Variants in TOGARAM2 observed in about 807,000 individuals in gnomAD.
TOGARAM2 encodes TOG array regulator of axonemal microtubules 2.
In TOGARAM2, 85 loss-of-function variants were observed where a neutral mutation model predicts 93.3. That is an observed-to-expected ratio of 0.91 (90% CI 0.76 to 1.09). The LOEUF (loss-of-function observed/expected upper bound fraction) is 1.09. TOGARAM2 is among the 50% of genes least tolerant of loss of function. The probability of loss-of-function intolerance (pLI) is 0.00; values close to 1 mark genes in which losing one functional copy is unlikely to be tolerated. For synonymous variants in TOGARAM2, 593 were observed against 552.8 expected (o/e 1.07, Z -1.02); for missense variants, 1,277 against 1,334.5 (o/e 0.96, Z 0.67).
At chr2:29,005,521 G>A (rs12615041) in intron 6 of TOGARAM2, among the ~76,000 whole-genome samples, 104,627 of 141,686 alleles carry the variant, frequency 0.74, 40,249 homozygotes, top group Non-Finnish European at 0.85. Flanking sequence ...GTAACTACGT[G>A]TGTGAAGCCA....
chr2:28,983,116 T>C (rs1558400137), intron 1 of TOGARAM2, among the ~76,000 whole-genome samples: 3 of 150,074 alleles, frequency 2.0e-5, no homozygotes, highest in Non-Finnish European at 4.4e-5. Context: ...GCTTCCCAAG[T>C]AGCTGGGTGT....
Position 29,017,235 on chromosome 2 carries a change from G to C in TOGARAM2, c.1126G>C (p.Glu376Gln). The C allele has an allele frequency of 6.2e-7, 1 of 1,613,938 alleles. No individual in the cohort carries two copies. The highest frequency in any genetic ancestry group is 8.5e-7 in the Non-Finnish European group (1 of 1,179,874). Residue 376 changes from glutamate to glutamine, a missense_variant, in exon 9 of 20, where the codon GAG becomes CAG. Coordinates refer to ENST00000379558, the MANE Select transcript of TOGARAM2 (RefSeq NM_199280.4). ...GGAGATGGAGCTGCTTCGGAGGCTGGAGGAGCCCAGGACAGGGCAGGAGCT... is the reference window on the plus strand; with the variant it reads ...GGAGATGGAGCTGCTTCGGAGGCTGCAGGAGCCCAGGACAGGGCAGGAGCT... ...MKEMELLRRLEEPRTGQELTS... is the reference protein window; with the variant it reads ...MKEMELLRRLQEPRTGQELTS...
chr2:29,030,701 G>A (rs1474246479), intron 14 of TOGARAM2, among the ~76,000 whole-genome samples: 1 of 152,124 alleles, frequency 6.6e-6, no homozygotes, highest in African/African-American at 2.4e-5. Flanking sequence ...TTCTGCCCCT[G>A]ACTGCCACCT....
At chr2:28,973,392 C>CTCCCTTTCT (rs777565304) in intron 1 of TOGARAM2, among the ~76,000 whole-genome samples, 6 of 78,580 alleles carry the variant, frequency 7.6e-5, no homozygotes, top group East Asian at 1.2e-3. Context: ...TCCTTCTTTC[C>CTCCCTTTCT]TCCCTTCCTT....
chr2:28,998,541 C>T (rs542088843), intron 3 of TOGARAM2, among the ~76,000 whole-genome samples: 1 of 152,180 alleles, frequency 6.6e-6, no homozygotes, highest in African/African-American at 2.4e-5. Flanking sequence ...GGGAGGGGGC[C>T]CCTCTCAAGA....
chr2:29,023,645 G>C (rs1279756492), intron 12 of TOGARAM2, among the ~76,000 whole-genome samples: 2 of 152,180 alleles, frequency 1.3e-5, no homozygotes, highest in Admixed American at 1.3e-4. Context: ...CTCCAGTGGG[G>C]GTGGGGTGGG....
At chr2:29,012,417 C>T (rs1160549134) in intron 7 of TOGARAM2, among the ~76,000 whole-genome samples, 1 of 152,214 alleles carries the variant, frequency 6.6e-6, no homozygotes, top group Admixed American at 6.5e-5. Flanking sequence ...GCTGCTTCTC[C>T]CCTGCTCCCG....
intron 1 of TOGARAM2, among the ~76,000 whole-genome samples, chr2:28,961,471 A>G (rs999430656): frequency 6.6e-6 from 1 of 151,676 alleles, no homozygotes; most frequent in East Asian, 1.9e-4. Context: ...CCTCCCAAGT[A>G]CCTGGGATTA....
rs775256143 is a variant in TOGARAM2 at position 29,002,672 on chromosome 2, C to T, written c.564C>T (p.Ser188=). 1.7e-5 allele frequency: 27 copies of T among 1,613,868 alleles called. No homozygotes were observed. The highest frequency in any genetic ancestry group is 4.5e-5 in the East Asian group (2 of 44,898). Reference sequence around the variant, plus strand: ...GCATCCCTACCACCCCTGAGGCCAGCGGAGTCAAAGAGAAGGGCCTGGACC... The same window carrying T: ...GCATCCCTACCACCCCTGAGGCCAGTGGAGTCAAAGAGAAGGGCCTGGACC... The part of the protein sequence containing the change: ...IQSIPTTPEA[S]GVKEKGLDLP... The change falls in exon 5 of 20, where the codon AGC becomes AGT. Residue 188 remains serine (S), a synonymous_variant. Coordinates refer to ENST00000379558, the MANE Select transcript of TOGARAM2 (RefSeq NM_199280.4).
chr2:29,030,291 TA>T (rs897377793), intron 14 of TOGARAM2, among the ~76,000 whole-genome samples: 17 of 151,928 alleles, frequency 1.1e-4, no homozygotes, highest in African/African-American at 3.9e-4. Flanking sequence ...AATAAATAAA[TA>T]AAAAAATCAC....
chr2:29,018,583 G>A (rs1664741313), intron 10 of TOGARAM2: 1 of 152,074 alleles, frequency 6.6e-6, no homozygotes, highest in Non-Finnish European at 1.5e-5. Flanking sequence ...TTCTGTAAGT[G>A]TGGGATGTGA....
intron 12 of TOGARAM2, among the ~76,000 whole-genome samples, 160 bp from the exon 13 acceptor site, chr2:29,023,979 G>C (rs1488878329): frequency 6.6e-6 from 1 of 152,106 alleles, no homozygotes; most frequent in Admixed American, 6.5e-5. Flanking sequence ...GGACAGTTTT[G>C]CTCAGAGTGG....
chr2:28,960,369 A>G (rs1445254797), intron 1 of TOGARAM2, among the ~76,000 whole-genome samples: 1 of 152,036 alleles, frequency 6.6e-6, no homozygotes, highest in Admixed American at 6.6e-5. Context: ...TAATTATTTA[A>G]TATTATTTAA....
At chr2:29,006,266 A>C (rs1418986307) in intron 6 of TOGARAM2, among the ~76,000 whole-genome samples, 5 of 118,284 alleles carry the variant, frequency 4.2e-5, no homozygotes, top group Admixed American at 1.8e-4. Context: ...ATGTGTGTGG[A>C]GTGTATATGT....
chr2:29,029,830 G>A (rs56209147), intron 14 of TOGARAM2, among the ~76,000 whole-genome samples: 45,356 of 150,880 alleles, frequency 0.3, 7,200 homozygotes, highest in South Asian at 0.36. Flanking sequence ...AGGGATGAAA[G>A]GCTGCAAATA....
At chr2:28,970,786 A>G (rs1671938894) in intron 1 of TOGARAM2, among the ~76,000 whole-genome samples, 1 of 152,064 alleles carries the variant, frequency 6.6e-6, no homozygotes, top group Non-Finnish European at 1.5e-5. Context: ...GCTCCGAGGG[A>G]GTGCACTCTT....
chr2:28,987,150 CT>C, intron 1 of TOGARAM2, among the ~76,000 whole-genome samples: 1 of 152,364 alleles, frequency 6.6e-6, no homozygotes, highest in Middle Eastern at 3.4e-3. Context: ...TACATACTTT[CT>C]TTCTCTATTT....
intron 1 of TOGARAM2, among the ~76,000 whole-genome samples, chr2:28,957,098 T>G (rs1671730044): frequency 6.6e-6 from 1 of 151,948 alleles, no homozygotes; most frequent in Non-Finnish European, 1.5e-5. Context: ...GAGGGAGACT[T>G]TGTCTCAAAA....
intron 1 of TOGARAM2, among the ~76,000 whole-genome samples, chr2:28,968,065 C>T (rs964072361): frequency 3.3e-5 from 5 of 151,988 alleles, no homozygotes; most frequent in Admixed American, 6.6e-5. Flanking sequence ...GTGATCCGCC[C>T]GCCTTGGCCT....
Sources: allele counts gnomAD v4.1 joint callset (sites outside exome capture counted in the v4.1 genomes callset), GRCh38; gene constraint gnomAD v4.1.1; transcripts MANE v1.5; gene names NCBI Gene and HGNC (gene_info 2026-07-23, HGNC 2026-07-21).